Variants in SGCZ observed in about 807,000 individuals in gnomAD.
SGCZ encodes sarcoglycan zeta.
A neutral mutation model predicts 41.3 loss-of-function variants in SGCZ; 40 were observed. The ratio of observed to expected loss-of-function variants is 0.97; its 90% CI spans 0.75 to 1.26. SGCZ has a LOEUF of 1.26. Ranked by LOEUF, SGCZ falls within the 50% of genes most tolerant of loss-of-function variation. The probability of loss-of-function intolerance (pLI) is 0.00; values close to 1 mark genes in which losing one functional copy is unlikely to be tolerated. For synonymous variants in SGCZ, 206 were observed against 137.5 expected (o/e 1.50, Z -3.49); for missense variants, 552 against 369.8 (o/e 1.49, Z -4.04).
In SGCZ at chr8:14,605,503, A is replaced by C. The variant is rs186438127; in HGVS notation, c.40-50577T>G. On this transcript the variant is annotated intron_variant, in intron 1 of 7. Coordinates refer to ENST00000382080, the MANE Select transcript of SGCZ (RefSeq NM_139167.4). ...TATGCTATCAAATACTAGATCTTTT[A>C]ATCTTTTTCTATTTTTTTGTACCCA... 5.3e-5 allele frequency among the ~76,000 whole-genome samples: 8 copies of C among 152,172 alleles called. No individual in the cohort carries two copies. In the East Asian group the frequency reaches 1.4e-3, roughly 26 times the overall value.
chr8:14,869,799 C>T (rs1344624193), intron 1 of SGCZ, among the ~76,000 whole-genome samples: 1 of 152,144 alleles, frequency 6.6e-6, no homozygotes, highest in Non-Finnish European at 1.5e-5. Flanking sequence ...CAACAATAGA[C>T]AAACAGAGAG....
chr8:14,306,676 C>T (rs1801362092), intron 3 of SGCZ, among the ~76,000 whole-genome samples: 1 of 144,822 alleles, frequency 6.9e-6, no homozygotes, highest in Non-Finnish European at 1.5e-5. Context: ...GTCATATAGA[C>T]ACTGAATTAA....
intron 1 of SGCZ, among the ~76,000 whole-genome samples, chr8:14,681,284 G>T (rs966334): frequency 1 from 151,829 of 152,264 alleles, 75,699 homozygotes; most frequent in Middle Eastern, 1. Flanking sequence ...TACTGTAGAT[G>T]TATAATCAGG....
chr8:15,144,721 T>G (rs140252521), intron 1 of SGCZ, among the ~76,000 whole-genome samples: 1 of 152,342 alleles, frequency 6.6e-6, no homozygotes, highest in African/African-American at 2.4e-5. Flanking sequence ...CCTCCCAAAG[T>G]GCTGGGGTTA....
chr8:14,464,605 T>C (rs1020763854), intron 2 of SGCZ, among the ~76,000 whole-genome samples: 1 of 151,500 alleles, frequency 6.6e-6, no homozygotes, highest in Non-Finnish European at 1.5e-5. Context: ...ATCTCTGCTT[T>C]AGTCTTTATG....
In SGCZ at chr8:14,755,233, T is replaced by A. The variant is rs191879608; in HGVS notation, c.40-200307A>T. ...AATTCAAATTCTTGTTTGATTTTTT[T>A]AAAAAAAAACAGCATTTGTTTGCTG... is the stretch of plus-strand genomic sequence containing the variant. On this transcript the variant is annotated intron_variant, in intron 1 of 7. Transcript: ENST00000382080. 3.3e-3 allele frequency among the ~76,000 whole-genome samples: 497 copies of A among 151,536 alleles called. 3 individuals carry two copies. Among genetic ancestry groups the A allele is most frequent in the African/African-American group, 0.01 (419 of 41,330 alleles).
intron 1 of SGCZ, among the ~76,000 whole-genome samples, chr8:14,810,793 A>C (rs1416048355): frequency 6.6e-6 from 1 of 152,126 alleles, no homozygotes; most frequent in African/African-American, 2.4e-5. Context: ...TTGTTTATTT[A>C]CTTGTTTGTT....
intron 2 of SGCZ, among the ~76,000 whole-genome samples, chr8:14,506,011 C>T (rs1167787625): frequency 6.7e-6 from 1 of 149,874 alleles, no homozygotes; most frequent in East Asian, 2.0e-4. Flanking sequence ...TCTCATTCTT[C>T]TTTTTTTTTT....
At chr8:15,228,797 C>T (rs577949360) in intron 1 of SGCZ, among the ~76,000 whole-genome samples, 5 of 152,292 alleles carry the variant, frequency 3.3e-5, no homozygotes, top group Admixed American at 6.5e-5. Context: ...CACACGAGTT[C>T]ACCAATTACA....
At chr8:15,157,655 C>T (rs944854918) in intron 1 of SGCZ, among the ~76,000 whole-genome samples, 3 of 152,088 alleles carry the variant, frequency 2.0e-5, no homozygotes, top group African/African-American at 7.2e-5. Context: ...TGTCTTGTCT[C>T]TTCCTCCAAA....
intron 2 of SGCZ, among the ~76,000 whole-genome samples, chr8:14,546,348 T>C (rs985398154): frequency 1.3e-5 from 2 of 152,180 alleles, no homozygotes; most frequent in African/African-American, 4.8e-5. Flanking sequence ...AACTACGGGC[T>C]TAAATCACCT....
chr8:14,427,776 T>A (rs1799828575), intron 2 of SGCZ, among the ~76,000 whole-genome samples: 1 of 152,096 alleles, frequency 6.6e-6, no homozygotes, highest in South Asian at 2.1e-4. Flanking sequence ...CACATGACAG[T>A]AATTCAACTT....
intron 1 of SGCZ, among the ~76,000 whole-genome samples, chr8:15,006,731 C>T (rs534628612): frequency 1.1e-4 from 16 of 152,186 alleles, no homozygotes; most frequent in East Asian, 5.8e-4. Flanking sequence ...AAAATCTTGA[C>T]GAGATTACAT....
At chr8:14,121,548 T>C (rs990787523) in intron 5 of SGCZ, among the ~76,000 whole-genome samples, 1 of 152,184 alleles carries the variant, frequency 6.6e-6, no homozygotes, top group Non-Finnish European at 1.5e-5. Flanking sequence ...GGTATTGCCG[T>C]TATTATTGTT....
chr8:14,123,169 A>T (rs1802751586), intron 5 of SGCZ, among the ~76,000 whole-genome samples: 1 of 152,206 alleles, frequency 6.6e-6, no homozygotes, highest in African/African-American at 2.4e-5. Flanking sequence ...ATTCCAAGAT[A>T]TTTATTTCAT....
intron 2 of SGCZ, among the ~76,000 whole-genome samples, chr8:14,340,418 G>A (rs959732305): frequency 5.9e-5 from 9 of 152,058 alleles, no homozygotes; most frequent in Admixed American, 3.9e-4. Flanking sequence ...TTCTATAACA[G>A]CCTATTTTTC....
At chr8:14,386,310 A>AAAAC (rs1340257079) in intron 2 of SGCZ, among the ~76,000 whole-genome samples, 2 of 152,118 alleles carry the variant, frequency 1.3e-5, no homozygotes, top group African/African-American at 4.8e-5. Flanking sequence ...GGTAAAAAAA[A>AAAAC]AAAAAACATT....
chr8:14,928,701 A>G (rs1290149224), intron 1 of SGCZ, among the ~76,000 whole-genome samples: 1 of 152,198 alleles, frequency 6.6e-6, no homozygotes, highest in Non-Finnish European at 1.5e-5. Flanking sequence ...TGTTATTCAA[A>G]TTGACATTTT....
At chr8:14,985,775 A>G (rs1228241870) in intron 1 of SGCZ, among the ~76,000 whole-genome samples, 1 of 152,236 alleles carries the variant, frequency 6.6e-6, no homozygotes, top group Non-Finnish European at 1.5e-5. Context: ...TCTGTGAAAC[A>G]CCAATGAACA....
Sources: allele counts gnomAD v4.1 joint callset (sites outside exome capture counted in the v4.1 genomes callset), GRCh38; gene constraint gnomAD v4.1.1; transcripts MANE v1.5; gene names NCBI Gene and HGNC (gene_info 2026-07-23, HGNC 2026-07-21).